The following TBC1D22A variants were observed in gnomAD, a reference collection of about 807,000 sequenced individuals.
The protein encoded by TBC1D22A is putative GTPase activator.
Under a neutral mutation model 60.2 loss-of-function variants are expected in TBC1D22A, and 38 were observed. The observed-to-expected ratio is 0.63, with a 90% confidence interval of 0.49 to 0.83. The LOEUF (loss-of-function observed/expected upper bound fraction) is 0.83, where lower values mean the gene tolerates loss of function less well. TBC1D22A is among the 40% of genes least tolerant of loss of function. TBC1D22A has a pLI of 0.00. For synonymous variants in TBC1D22A, 302 were observed against 281.7 expected, an observed-to-expected ratio of 1.07 and a Z score of -0.72; for missense variants, 628 against 701.0, an observed-to-expected ratio of 0.90 and a Z score of 1.18.
chr22:47,120,506 T>C (rs1481771146), intron 12 of TBC1D22A, among the ~76,000 whole-genome samples: 1 of 152,244 alleles, frequency 6.6e-6, no homozygotes, highest in Non-Finnish European at 1.5e-5. Flanking sequence ...GCCCTAGAAC[T>C]AGTGTTTGCC....
chr22:47,010,365 C>T (rs976050676), intron 10 of TBC1D22A, among the ~76,000 whole-genome samples: 4 of 152,192 alleles, frequency 2.6e-5, no homozygotes, highest in African/African-American at 9.7e-5. Context: ...CATTAGGCTC[C>T]AGAAGGGCAG....
intron 11 of TBC1D22A, among the ~76,000 whole-genome samples, chr22:47,104,118 A>G (rs185060907): frequency 2.4e-4 from 37 of 152,172 alleles, no homozygotes; most frequent in African/African-American, 8.7e-4. Flanking sequence ...CAGCCTGGCC[A>G]ATATGGTGCA....
At chr22:47,143,418 G>A (rs2067177653) in intron 12 of TBC1D22A, among the ~76,000 whole-genome samples, 1 of 152,226 alleles carries the variant, frequency 6.6e-6, no homozygotes, top group Non-Finnish European at 1.5e-5. Context: ...CTGGAATTAG[G>A]AAGTAGAAGC....
At chr22:46,956,809 C>T (rs1012457038) in intron 8 of TBC1D22A, among the ~76,000 whole-genome samples, 1 of 152,238 alleles carries the variant, frequency 6.6e-6, no homozygotes, top group African/African-American at 2.4e-5. Context: ...CTTCCTCTGT[C>T]TTTCAGATGG....
chr22:47,087,768 C>G (rs1230429923), intron 11 of TBC1D22A, among the ~76,000 whole-genome samples: 1 of 152,084 alleles, frequency 6.6e-6, no homozygotes, highest in East Asian at 1.9e-4. Context: ...CACCCATAAG[C>G]TTAAATATGA....
intron 4 of TBC1D22A, among the ~76,000 whole-genome samples, chr22:46,810,119 T>C (rs1475773125): frequency 6.6e-6 from 1 of 152,244 alleles, no homozygotes; most frequent in Non-Finnish European, 1.5e-5. Context: ...CTGGGTGTTC[T>C]GGAGGAGGGA....
intron 1 of TBC1D22A, among the ~76,000 whole-genome samples, chr22:46,775,042 A>G (rs1319963639): frequency 6.6e-6 from 1 of 152,258 alleles, no homozygotes; most frequent in Non-Finnish European, 1.5e-5. Context: ...GCTTTCACCT[A>G]GATGAGGCGA....
Position 46,878,666 on chromosome 22 carries a change from G to C in TBC1D22A, c.651G>C (p.Arg217Ser). 1 of 1,613,220 alleles carries C rather than the reference G, an allele frequency of 6.2e-7. No homozygotes were observed. Among genetic ancestry groups the C allele is most frequent in the Non-Finnish European group, 8.5e-7 (1 of 1,179,840 alleles). ...GPNTDLEELR[R>S]LSWSGIPKPV... is the part of the protein sequence containing the mutation. ...TTTCATCAACAGAGGAATTACGGAGGTTGAGCTGGTCCGGAATCCCTAAGC... is the reference window on the plus strand; with the variant it reads ...TTTCATCAACAGAGGAATTACGGAGCTTGAGCTGGTCCGGAATCCCTAAGC... Residue 217 changes from arginine to serine, a missense_variant, in exon 5 of 13, where the codon AGG becomes AGC. Arg to Ser is a moderately radical substitution (Grantham distance 110). Transcript: ENST00000337137.
At chr22:46,764,868 GC>G (rs1460121752) in intron 1 of TBC1D22A, among the ~76,000 whole-genome samples, 1 of 152,202 alleles carries the variant, frequency 6.6e-6, no homozygotes, top group African/African-American at 2.4e-5. Flanking sequence ...AGAGAGCATG[GC>G]CCTGCAGATG....
chr22:47,154,267 C>G (rs2067624992), intron 12 of TBC1D22A, among the ~76,000 whole-genome samples: 1 of 152,188 alleles, frequency 6.6e-6, no homozygotes, highest in Non-Finnish European at 1.5e-5. Flanking sequence ...GAGAGCTGTT[C>G]CTAGTGTCCT....
intron 4 of TBC1D22A, among the ~76,000 whole-genome samples, chr22:46,848,071 CTATT>C (rs140784069): frequency 0.079 from 11,992 of 152,274 alleles, 634 homozygotes; most frequent in Non-Finnish European, 0.12. Context: ...GGTTGGGAAA[CTATT>C]AAATAGTTGG....
rs144565638 is a variant in TBC1D22A, at chr22:46,967,014, GTTGTCC to G, written c.1016-7268_1016-7263del. On this transcript the variant is annotated intron_variant, in intron 8 of 12. Transcript: ENST00000337137. ...CACCTCGTCTAGCCATGCTGAGGGC[GTTGTCC>G]TTGTCCTGTGATAATTGTCTGCCAA... Among the ~76,000 whole-genome samples the G allele has an allele frequency of 7.8e-3, 1,195 of 152,282 alleles. 35 individuals carry two copies. The South Asian group carries it at 0.1, about 13-fold the overall frequency.
intron 4 of TBC1D22A, among the ~76,000 whole-genome samples, chr22:46,798,256 A>T (rs1392974733): frequency 6.6e-6 from 1 of 152,226 alleles, no homozygotes; most frequent in East Asian, 1.9e-4. Flanking sequence ...CCAGGTGGAC[A>T]TCCTTGTTCT....
At chr22:47,040,704 G>A (rs753217153) in intron 11 of TBC1D22A, among the ~76,000 whole-genome samples, 75 of 152,176 alleles carry the variant, frequency 4.9e-4, no homozygotes, top group Non-Finnish European at 9.7e-4. Context: ...CGTGCGGGAC[G>A]TGACTCAGCA....
chr22:46,843,146 A>AG (rs766345456), intron 4 of TBC1D22A, among the ~76,000 whole-genome samples: 17 of 152,192 alleles, frequency 1.1e-4, no homozygotes, highest in Non-Finnish European at 1.9e-4. Context: ...TGGTGGTTCA[A>AG]GGGGAGGCAC....
chr22:47,002,805 G>A (rs956989957), intron 10 of TBC1D22A, among the ~76,000 whole-genome samples: 8 of 152,174 alleles, frequency 5.3e-5, no homozygotes, highest in Non-Finnish European at 1.5e-5. Flanking sequence ...GTTCTGAGGG[G>A]ACTTAAGGCT....
At chr22:46,922,485 T>C (rs2070813880) in intron 8 of TBC1D22A, among the ~76,000 whole-genome samples, 1 of 152,250 alleles carries the variant, frequency 6.6e-6, no homozygotes, top group African/African-American at 2.4e-5. Flanking sequence ...ATTGGTAGTT[T>C]AATAGGAATA....
intron 9 of TBC1D22A, among the ~76,000 whole-genome samples, chr22:46,987,961 A>T (rs2074790791): frequency 6.6e-6 from 1 of 152,168 alleles, no homozygotes; most frequent in Non-Finnish European, 1.5e-5. Flanking sequence ...AACTAGGCTT[A>T]TGGAGTGTTC....
intron 8 of TBC1D22A, among the ~76,000 whole-genome samples, chr22:46,941,239 T>A (rs866084736): frequency 0.012 from 857 of 73,416 alleles, 18 homozygotes; most frequent in African/African-American, 0.049. Context: ...ACACACACAG[T>A]CCACCCTTGA....
Sources: gnomAD v4.1 joint callset for allele counts (sites outside exome capture counted in the v4.1 genomes callset) on GRCh38, gnomAD v4.1.1 for gene constraint, MANE v1.5 for transcripts, NCBI Gene and HGNC (gene_info 2026-07-23, HGNC 2026-07-21) for gene names.